KRTAP5-6: variants seen among roughly 807,000 people sequenced by gnomAD.
KRTAP5-6 encodes keratin associated protein 5-6, also known as keratin-associated protein 5-6.
For synonymous variants in KRTAP5-6, 57 were observed against 61.7 expected, an observed-to-expected ratio of 0.92 and a Z score of 0.36; for missense variants, 175 against 157.6, an observed-to-expected ratio of 1.11 and a Z score of -0.59.
In KRTAP5-6 at chr11:1,697,664, C is replaced by T; in HGVS notation, c.*29C>T. The T allele has an allele frequency of 6.2e-7, 1 of 1,613,728 alleles. No homozygotes were observed. The highest frequency in any genetic ancestry group is 8.5e-7 in the Non-Finnish European group (1 of 1,179,760). On this transcript the variant is annotated 3_prime_UTR_variant, in exon 1 of 1. Transcript: ENST00000382160. ...TCTGACTTTGGACCTCAGGTGAGTC[C>T]AGCATATCCACACCACCCAAGAAGT...
Position 1,697,721 on chromosome 11 carries a change from C to T in KRTAP5-6, c.*86C>T. 1 of 1,572,712 alleles carries T rather than the reference C, an allele frequency of 6.4e-7. No homozygotes were observed. The highest frequency in any genetic ancestry group is 8.7e-7 in the Non-Finnish European group (1 of 1,151,950). On this transcript the variant is annotated 3_prime_UTR_variant, in exon 1 of 1. Transcript: ENST00000382160. ...TGCTGCATTTCAGTTCTGGCTGTCCCACAGCTCCAGGAGTTGTGTCCCCTG... is the reference window on the plus strand; with the variant it reads ...TGCTGCATTTCAGTTCTGGCTGTCCTACAGCTCCAGGAGTTGTGTCCCCTG...
Position 1,697,432 on chromosome 11 carries a change from TG to T in KRTAP5-6, c.188del (p.Cys63LeufsTer76), listed in dbSNP as rs1382141130. 150 of 1,611,462 alleles carry T rather than the reference TG, an allele frequency of 9.3e-5. No homozygotes were observed. The highest frequency in any genetic ancestry group is 1.2e-4 in the Non-Finnish European group (146 of 1,179,440). ...GGGCTCCAAGGGGTGCTGTGGCTCT[TG>T]TGGGGGCTCCAAAGGGGGCTGTGGC... ...CGGSKGCCGS[C>X]GGSKGGCGSC... On this transcript the variant is annotated frameshift_variant, in exon 1 of 1. Coordinates refer to ENST00000382160, the MANE Select transcript of KRTAP5-6 (RefSeq NM_001012416.1). LOFTEE classifies it low-confidence loss of function (END_TRUNC).
rs557719152 is a variant in KRTAP5-6, at chr11:1,697,700, G to A, written c.*65G>A. On this transcript the variant is annotated 3_prime_UTR_variant, in exon 1 of 1. Transcript: ENST00000382160. ...CACCACCCAAGAAGTGACCAGTGCT[G>A]CATTTCAGTTCTGGCTGTCCCACAG... The A allele has an allele frequency of 5.8e-5, 93 of 1,599,546 alleles. 1 individual carries two copies. The South Asian group carries it at 1.0e-3, about 18-fold the overall frequency.
In KRTAP5-6 at chr11:1,697,494, T is replaced by C. The variant is rs1304864524; in HGVS notation, c.249T>C (p.Cys83=). ...GCTCCAAGGGAGGCTGTGGCTCTTG[T>C]GGCTGCTCCCAGTGCAGTTGCTGCA... is the stretch of plus-strand genomic sequence containing the variant. ...CGGSKGGCGS[C]GCSQCSCCKP... The change falls in exon 1 of 1, where the codon TGT becomes TGC. Residue 83 remains cysteine, a synonymous_variant. Transcript: ENST00000382160. The C allele has an allele frequency of 6.2e-7, 1 of 1,613,976 alleles. No individual in the cohort carries two copies. The highest frequency in any genetic ancestry group is 2.2e-5 in the East Asian group (1 of 44,874).
Position 1,697,551 on chromosome 11 carries a change from A to G in KRTAP5-6, c.306A>G (p.Ser102=). Residue 102 remains serine, a synonymous_variant, in exon 1 of 1, where the codon TCA becomes TCG. Coordinates refer to ENST00000382160, the MANE Select transcript of KRTAP5-6 (RefSeq NM_001012416.1). ...GCTACTGTTCCTCAGGCTGTGGGTCATCCTGCTGCCAGTCCAGCTGCTGCA... is the reference window on the plus strand; with the variant it reads ...GCTACTGTTCCTCAGGCTGTGGGTCGTCCTGCTGCCAGTCCAGCTGCTGCA... The part of the protein sequence containing the change: ...KPCYCSSGCG[S]SCCQSSCCKP... 1 of 1,613,516 alleles carries G rather than the reference A, an allele frequency of 6.2e-7. No homozygotes were observed. The highest frequency in any genetic ancestry group is 2.2e-5 in the East Asian group (1 of 44,854).
chr11:1,697,601 G>C lies in KRTAP5-6; in HGVS notation c.356G>C (p.Cys119Ser). 1.2e-6 allele frequency: 2 copies of C among 1,614,172 alleles called. No homozygotes were observed. Among genetic ancestry groups the C allele is most frequent in the Non-Finnish European group, 1.7e-6 (2 of 1,180,006 alleles). ...CCKPCCSQAS[C>S]CVPICCQCKI is the part of the protein sequence containing the mutation. The stretch of plus-strand genomic sequence containing the variant: ...AAGCCCTGCTGTTCCCAGGCCAGCT[G>C]CTGTGTCCCCATTTGCTGCCAGTGC... Residue 119 changes from cysteine (C) to serine (S), a missense_variant, in exon 1 of 1, where the codon TGC (cysteine) becomes TCC (serine). Cys to Ser is a moderately radical substitution (Grantham distance 112). Coordinates refer to ENST00000382160, the MANE Select transcript of KRTAP5-6 (RefSeq NM_001012416.1).
Position 1,697,728 on chromosome 11 carries a change from C to G in KRTAP5-6, c.*93C>G. On this transcript the variant is annotated 3_prime_UTR_variant, in exon 1 of 1. Coordinates refer to ENST00000382160, the MANE Select transcript of KRTAP5-6 (RefSeq NM_001012416.1). The stretch of plus-strand genomic sequence containing the variant: ...TTTCAGTTCTGGCTGTCCCACAGCT[C>G]CAGGAGTTGTGTCCCCTGAATTTTG... 2 of 1,554,900 alleles carry G rather than the reference C, an allele frequency of 1.3e-6. No homozygotes were observed. The highest frequency in any genetic ancestry group is 1.8e-6 in the Non-Finnish European group (2 of 1,138,892).
Position 1,697,238 on chromosome 11 carries a change from C to A in KRTAP5-6, c.-8C>A. On this transcript the variant is annotated 5_prime_UTR_variant, in exon 1 of 1. Coordinates refer to ENST00000382160, the MANE Select transcript of KRTAP5-6 (RefSeq NM_001012416.1). ...CTCTACCTGCTCCACCCTCAATCCA[C>A]CAGAACCATGGGCTGCTGTGGCTGC... 1.2e-6 allele frequency: 2 copies of A among 1,613,102 alleles called. No homozygotes were observed. The highest frequency in any genetic ancestry group is 1.7e-6 in the Non-Finnish European group (2 of 1,180,000).
rs775423997 is a variant in KRTAP5-6, at chr11:1,697,230, T to C, written c.-16T>C. 4.3e-6 allele frequency: 7 copies of C among 1,612,764 alleles called. No individual in the cohort carries two copies. In the African/African-American group the frequency reaches 5.3e-5, roughly 12 times the overall value. On this transcript the variant is annotated 5_prime_UTR_variant, in exon 1 of 1. Coordinates refer to ENST00000382160, the MANE Select transcript of KRTAP5-6 (RefSeq NM_001012416.1). ...ACCTGCTCCTCTACCTGCTCCACCC[T>C]CAATCCACCAGAACCATGGGCTGCT...
chr11:1,697,328 G>T lies in KRTAP5-6; in HGVS notation c.83G>T (p.Cys28Phe). 1 of 1,613,432 alleles carries T rather than the reference G, an allele frequency of 6.2e-7. No homozygotes were observed. The highest frequency in any genetic ancestry group is 2.2e-5 in the East Asian group (1 of 44,882). The change falls in exon 1 of 1, where the codon TGC (cysteine) becomes TTC (phenylalanine). Residue 28 changes from cysteine to phenylalanine, a missense_variant. Coordinates refer to ENST00000382160, the MANE Select transcript of KRTAP5-6 (RefSeq NM_001012416.1). Reference protein sequence around the residue: ...GSGCGGCGSSCCVPICCCKPV... With the variant: ...GSGCGGCGSSFCVPICCCKPV... ...GGCTGTGGGGGCTGTGGGTCCAGCT[G>T]CTGTGTGCCCATCTGCTGCTGCAAG...
At position 1,697,359 on chromosome 11, in the gene KRTAP5-6, G is replaced by C; in HGVS notation, c.114G>C (p.Val38=). The change falls in exon 1 of 1, where the codon GTG becomes GTC. Residue 38 remains valine (V), a synonymous_variant. Coordinates refer to ENST00000382160, the MANE Select transcript of KRTAP5-6 (RefSeq NM_001012416.1). Reference sequence around the variant, plus strand: ...TGCCCATCTGCTGCTGCAAGCCCGTGTGCTGCTGTGTGCCAGCCTGTTCCT... The same window carrying C: ...TGCCCATCTGCTGCTGCAAGCCCGTCTGCTGCTGTGTGCCAGCCTGTTCCT... ...CCVPICCCKP[V]CCCVPACSCT... 1 of 1,612,392 alleles carries C rather than the reference G, an allele frequency of 6.2e-7. No individual in the cohort carries two copies. Among genetic ancestry groups the C allele is most frequent in the Non-Finnish European group, 8.5e-7 (1 of 1,179,766 alleles).
rs761422705 is a variant in KRTAP5-6, at chr11:1,697,250, G to A, written c.5G>A (p.Gly2Asp). ...CACCCTCAATCCACCAGAACCATGG[G>A]CTGCTGTGGCTGCTCTGGAGGCTGT... M[G>D]CCGCSGGCGS... The change falls in exon 1 of 1, where the codon GGC (glycine) becomes GAC (aspartate). Residue 2 changes from glycine (G) to aspartate (D), a missense_variant. Coordinates refer to ENST00000382160, the MANE Select transcript of KRTAP5-6 (RefSeq NM_001012416.1). 4 of 1,613,230 alleles carry A rather than the reference G, an allele frequency of 2.5e-6. No homozygotes were observed. In the East Asian group the frequency reaches 8.9e-5, roughly 36 times the overall value.
In KRTAP5-6 at chr11:1,697,259, G is replaced by T; in HGVS notation, c.14G>T (p.Gly5Val). Residue 5 changes from glycine (G) to valine (V), a missense_variant, in exon 1 of 1, where the codon GGC (glycine) becomes GTC (valine). Transcript: ENST00000382160. MGCC[G>V]CSGGCGSGCG... ...TCCACCAGAACCATGGGCTGCTGTGGCTGCTCTGGAGGCTGTGGCTCCGGC... is the reference window on the plus strand; with the variant it reads ...TCCACCAGAACCATGGGCTGCTGTGTCTGCTCTGGAGGCTGTGGCTCCGGC... 6.2e-7 allele frequency: 1 copy of T among 1,613,366 alleles called. No homozygotes were observed. Among genetic ancestry groups the T allele is most frequent in the Non-Finnish European group, 8.5e-7 (1 of 1,180,026 alleles).
Position 1,697,470 on chromosome 11 carries a change from C to T in KRTAP5-6, c.225C>T (p.Gly75=), listed in dbSNP as rs1435206203. The part of the protein sequence containing the change: ...GSKGGCGSCG[G]SKGGCGSCGC... ...AAGGGGGCTGTGGCTCTTGTGGGGG[C>T]TCCAAGGGAGGCTGTGGCTCTTGTG... is the stretch of plus-strand genomic sequence containing the variant. The change falls in exon 1 of 1, where the codon GGC becomes GGT. Residue 75 remains glycine, a synonymous_variant. Transcript: ENST00000382160. 5 of 1,613,548 alleles carry T rather than the reference C, an allele frequency of 3.1e-6. No individual in the cohort carries two copies. In the Admixed American group the frequency reaches 5.0e-5, roughly 16 times the overall value.
Position 1,697,213 on chromosome 11 carries a change from C to T in KRTAP5-6, c.-33C>T. On this transcript the variant is annotated 5_prime_UTR_variant, in exon 1 of 1. Coordinates refer to ENST00000382160, the MANE Select transcript of KRTAP5-6 (RefSeq NM_001012416.1). ...CTGCACACCTCCCTCTCACCTGCTC[C>T]TCTACCTGCTCCACCCTCAATCCAC... 6.2e-7 allele frequency: 1 copy of T among 1,612,674 alleles called. No homozygotes were observed. The highest frequency in any genetic ancestry group is 8.5e-7 in the Non-Finnish European group (1 of 1,179,956).
Position 1,697,244 on chromosome 11 carries a change from C to G in KRTAP5-6, c.-2C>G, listed in dbSNP as rs1270708209. The G allele has an allele frequency of 6.2e-7, 1 of 1,613,170 alleles. No individual in the cohort carries two copies. Among genetic ancestry groups the G allele is most frequent in the East Asian group, 2.2e-5 (1 of 44,880 alleles). ...CTGCTCCACCCTCAATCCACCAGAA[C>G]CATGGGCTGCTGTGGCTGCTCTGGA... On this transcript the variant is annotated 5_prime_UTR_variant, in exon 1 of 1. Transcript: ENST00000382160.
rs908151594 is a variant in KRTAP5-6, at chr11:1,697,292, G to A, written c.47G>A (p.Gly16Asp). 2.5e-6 allele frequency: 4 copies of A among 1,612,968 alleles called. No individual in the cohort carries two copies. The highest frequency in any genetic ancestry group is 2.2e-5 in the South Asian group (2 of 90,990). ...GGAGGCTGTGGCTCCGGCTGTGGGG[G>A]CTGTGGCTCTGGCTGTGGGGGCTGT... ...CSGGCGSGCG[G>D]CGSGCGGCGS... The change falls in exon 1 of 1, where the codon GGC becomes GAC. Residue 16 changes from glycine (G) to aspartate (D), a missense_variant. By Grantham distance (94) the Gly-to-Asp change is moderately conservative (BLOSUM62 -1). Coordinates refer to ENST00000382160, the MANE Select transcript of KRTAP5-6 (RefSeq NM_001012416.1).
In KRTAP5-6 at chr11:1,697,725, G is replaced by C. The variant is rs1466349951; in HGVS notation, c.*90G>C. 3.9e-6 allele frequency: 6 copies of C among 1,556,094 alleles called. No homozygotes were observed. In the African/African-American group the frequency reaches 6.8e-5, roughly 18 times the overall value. ...GCATTTCAGTTCTGGCTGTCCCACAGCTCCAGGAGTTGTGTCCCCTGAATT... is the reference window on the plus strand; with the variant it reads ...GCATTTCAGTTCTGGCTGTCCCACACCTCCAGGAGTTGTGTCCCCTGAATT... On this transcript the variant is annotated 3_prime_UTR_variant, in exon 1 of 1. Transcript: ENST00000382160.
Position 1,697,699 on chromosome 11 carries a change from T to G in KRTAP5-6, c.*64T>G. ...ACACCACCCAAGAAGTGACCAGTGC[T>G]GCATTTCAGTTCTGGCTGTCCCACA... On this transcript the variant is annotated 3_prime_UTR_variant, in exon 1 of 1. Coordinates refer to ENST00000382160, the MANE Select transcript of KRTAP5-6 (RefSeq NM_001012416.1). The G allele has an allele frequency of 6.2e-7, 1 of 1,600,034 alleles. No homozygotes were observed. The highest frequency in any genetic ancestry group is 8.5e-7 in the Non-Finnish European group (1 of 1,170,600).
Sources: gnomAD v4.1 joint callset for allele counts on GRCh38, gnomAD v4.1.1 for gene constraint, MANE v1.5 for transcripts, NCBI Gene and HGNC (gene_info 2026-07-23, HGNC 2026-07-21) for gene names.